Variants in PRKCB observed in about 807,000 individuals in gnomAD.
PRKCB encodes protein kinase C beta, also known as protein kinase C beta type.
In PRKCB, 13 loss-of-function variants were observed where a neutral mutation model predicts 81.5. The observed-to-expected ratio is 0.16, with a 90% CI of 0.10 to 0.25. PRKCB has a LOEUF of 0.25. Ranked by LOEUF, PRKCB falls within the 10% of genes least tolerant of loss-of-function variation. PRKCB has a pLI of 1.00. For synonymous variants in PRKCB, 335 were observed against 321.4 expected (o/e 1.04, Z -0.45); for missense variants, 509 against 875.7 (o/e 0.58, Z 5.29).
chr16:23,848,588 C>T (rs1276586596), intron 2 of PRKCB, among the ~76,000 whole-genome samples: 2 of 152,196 alleles, frequency 1.3e-5, no homozygotes, highest in Non-Finnish European at 2.9e-5. Flanking sequence ...CTCTGAAAGG[C>T]ATCCTCCCAC....
At position 24,218,358 on chromosome 16, in the gene PRKCB, C is replaced by T. The variant is rs999131857; in HGVS notation, c.*3542C>T. ...CTGGGGGATGGAAACTCCTATAGCACCCCACAGGCTAACAGCAAGCAGGAC... is the reference window on the plus strand; with the variant it reads ...CTGGGGGATGGAAACTCCTATAGCATCCCACAGGCTAACAGCAAGCAGGAC... On this transcript the variant is annotated 3_prime_UTR_variant, in exon 17 of 17. Coordinates refer to ENST00000643927, the MANE Select transcript of PRKCB (RefSeq NM_002738.7). The T allele has an allele frequency of 2.3e-5, 23 of 985,106 alleles. No individual in the cohort carries two copies. Among genetic ancestry groups the T allele is most frequent in the Admixed American group, 6.2e-5 (1 of 16,258 alleles). The allele number at this position is 985,106 out of a possible 1,614,324, so 61.0% of individuals were successfully genotyped here.
intron 16 of PRKCB, among the ~76,000 whole-genome samples, chr16:24,200,434 A>G (rs139540435): frequency 6.6e-6 from 1 of 152,196 alleles, no homozygotes; most frequent in Non-Finnish European, 1.5e-5. Flanking sequence ...CTCCCTTTAG[A>G]TGGTTGGAAT....
At position 24,123,992 on chromosome 16, in the gene PRKCB, A is replaced by C; in HGVS notation, c.1065+11A>C. 1.2e-5 allele frequency: 20 copies of C among 1,613,846 alleles called. No individual in the cohort carries two copies. Among genetic ancestry groups the C allele is most frequent in the Non-Finnish European group, 1.6e-5 (19 of 1,179,864 alleles). On this transcript the variant is annotated intron_variant, in intron 9 of 16. Coordinates refer to ENST00000643927, the MANE Select transcript of PRKCB (RefSeq NM_002738.7). ...GGCAGCTTTGGCAAGGTATGGTATG[A>C]TTTGGTGGCTCCACCTGCTTTGGAA...
At chr16:23,881,233 T>A (rs899896194) in intron 2 of PRKCB, among the ~76,000 whole-genome samples, 3 of 147,302 alleles carry the variant, frequency 2.0e-5, no homozygotes, top group Non-Finnish European at 4.5e-5. Flanking sequence ...CTGTGTTGAC[T>A]CCTTTTCTCT....
At chr16:24,160,097 C>T (rs1273255119) in intron 10 of PRKCB, among the ~76,000 whole-genome samples, 2 of 151,876 alleles carry the variant, frequency 1.3e-5, no homozygotes, top group Non-Finnish European at 2.9e-5. Flanking sequence ...TCAATGGAAA[C>T]TGACCCCCAG....
intron 12 of PRKCB, among the ~76,000 whole-genome samples, chr16:24,176,819 G>A (rs924806594): frequency 1.1e-4 from 16 of 151,612 alleles, no homozygotes; most frequent in Admixed American, 8.5e-4. Context: ...GCTTGAACCC[G>A]GGAGGCAGAG....
intron 2 of PRKCB, among the ~76,000 whole-genome samples, chr16:23,922,978 C>CT (rs1196454262): frequency 6.6e-6 from 1 of 151,756 alleles, no homozygotes; most frequent in Admixed American, 6.6e-5. Context: ...TTAGAGTTAC[C>CT]TTTTTTTCCT....
intron 9 of PRKCB, among the ~76,000 whole-genome samples, chr16:24,145,437 T>G (rs1256179178): frequency 4.0e-5 from 6 of 151,502 alleles, no homozygotes; most frequent in Non-Finnish European, 1.5e-5. Context: ...AAAAAGAGAA[T>G]AGAATGTTTA....
At chr16:23,875,569 A>G (rs1325794250) in intron 2 of PRKCB, among the ~76,000 whole-genome samples, 1 of 6,652 alleles carries the variant, frequency 1.5e-4, no homozygotes, top group South Asian at 8.9e-3. Flanking sequence ...ACACATGTGT[A>G]TATCAAACAC....
At chr16:23,985,571 CATT>C (rs1047364159) in intron 2 of PRKCB, among the ~76,000 whole-genome samples, 2 of 152,152 alleles carry the variant, frequency 1.3e-5, no homozygotes, top group Non-Finnish European at 2.9e-5. Context: ...TGGAAAGACT[CATT>C]GTTGTCAAGG....
At chr16:23,990,016 C>T (rs1964859814) in intron 3 of PRKCB, among the ~76,000 whole-genome samples, 1 of 152,046 alleles carries the variant, frequency 6.6e-6, no homozygotes, top group Admixed American at 6.6e-5. Flanking sequence ...GTTGTGGCAG[C>T]CCTTTTGGGT....
At chr16:24,195,269 A>C (rs1298006052) in intron 16 of PRKCB, among the ~76,000 whole-genome samples, 1 of 151,782 alleles carries the variant, frequency 6.6e-6, no homozygotes, top group East Asian at 1.9e-4. Flanking sequence ...TTACATTGCA[A>C]ATGCATTGCA....
chr16:23,996,151 T>C (rs1282866857), intron 3 of PRKCB, among the ~76,000 whole-genome samples: 1 of 152,150 alleles, frequency 6.6e-6, no homozygotes, highest in Admixed American at 6.5e-5. Context: ...GGTGTGTGGA[T>C]AGACATCTCT....
At chr16:24,185,731 A>T (rs913182856) in intron 15 of PRKCB, among the ~76,000 whole-genome samples, 164 bp downstream of exon 15, 1 of 152,202 alleles carries the variant, frequency 6.6e-6, no homozygotes, top group African/African-American at 2.4e-5. Flanking sequence ...CTCCCGGAGG[A>T]GAGAGAGCTT....
chr16:24,174,933 T>C lies in PRKCB; in HGVS notation c.1394+353T>C, dbSNP rs112821050. ...AGGCAAAGAATTTTGGCTGGCAGAA[T>C]GTGATGGATCACATTATTATGAAAC... On this transcript the variant is annotated intron_variant, in intron 12 of 16. Transcript: ENST00000643927. 808 of 219,998 alleles carry C rather than the reference T, an allele frequency of 3.7e-3. 4 individuals are homozygous for C. Among genetic ancestry groups the C allele is most frequent in the African/African-American group, 0.017 (735 of 44,152 alleles). 13.6% of individuals were successfully genotyped at this position (219,998 alleles called of 1,614,324 possible). A position where few individuals can be genotyped will look rare whatever the true frequency, so the allele number is the denominator to read the frequency against.
chr16:24,112,878 T>C, intron 7 of PRKCB, 95 bp from the exon 8 acceptor site: 1 of 851,994 alleles, frequency 1.2e-6, no homozygotes, highest in Non-Finnish European at 1.8e-6. Context: ...TTTTTTCAAG[T>C]AGAGCTTTAT....
intron 16 of PRKCB, among the ~76,000 whole-genome samples, chr16:24,213,305 T>C (rs1968175089): frequency 6.6e-6 from 1 of 152,172 alleles, no homozygotes; most frequent in African/African-American, 2.4e-5. Context: ...AGTGCTGGGA[T>C]TACAGGCGTG....
chr16:23,969,086 C>G (rs889347069), intron 2 of PRKCB, among the ~76,000 whole-genome samples: 1 of 152,144 alleles, frequency 6.6e-6, no homozygotes. Flanking sequence ...AAGTGAATTG[C>G]TTGAACCTGG....
At position 24,185,332 on chromosome 16, in the gene PRKCB, T is replaced by C. The variant is rs548287963; in HGVS notation, c.1615-128T>C. On this transcript the variant is annotated intron_variant, in intron 14 of 16. Coordinates refer to ENST00000643927, the MANE Select transcript of PRKCB (RefSeq NM_002738.7). ...CCGGCCTTGGGGTCATACAAGTCTG[T>C]GGTCATTTGAAAGCCTGGGTGTGTG... 5.3e-5 allele frequency: 63 copies of C among 1,193,508 alleles called. 4 individuals carry two copies. In the South Asian group the frequency reaches 8.6e-4, roughly 16 times the overall value. 73.9% of individuals were successfully genotyped at this position (1,193,508 alleles called of 1,614,324 possible). A position where few individuals can be genotyped will look rare whatever the true frequency, so the allele number is the denominator to read the frequency against.
Sources: allele counts gnomAD v4.1 joint callset (sites outside exome capture counted in the v4.1 genomes callset), GRCh38; gene constraint gnomAD v4.1.1; transcripts MANE v1.5; gene names NCBI Gene and HGNC (gene_info 2026-07-23, HGNC 2026-07-21).